ANO3: variants seen among roughly 807,000 people sequenced by gnomAD.
ANO3 encodes anoctamin-3.
ANO3 carries 99 observed loss-of-function variants against 144.8 expected under a neutral mutation model. That is an observed-to-expected ratio of 0.68 (90% CI 0.58 to 0.81). ANO3 has a LOEUF of 0.81. Ranked by LOEUF, ANO3 falls within the 30% of genes least tolerant of loss-of-function variation. The pLI is 0.00. For missense variants in ANO3, 905 were observed against 1,202.2 expected, an observed-to-expected ratio of 0.75 and a Z score of 3.66; for synonymous variants, 414 against 392.6, an observed-to-expected ratio of 1.05 and a Z score of -0.64.
In ANO3 at chr11:26,233,412, G is replaced by A. The variant is rs115214333; in HGVS notation, c.154+44082G>A. The stretch of plus-strand genomic sequence containing the variant: ...GTGAGATACCATCTCATACCACTTA[G>A]GATGGCTATCTTTAAAAAGTCAGGA... On this transcript the variant is annotated intron_variant, in intron 1 of 27. Transcript: ENST00000672621. Among the ~76,000 whole-genome samples the A allele has an allele frequency of 1.5e-3, 228 of 152,214 alleles. 1 individual carries two copies. Among genetic ancestry groups the A allele is most frequent in the African/African-American group, 4.6e-3 (191 of 41,534 alleles).
At chr11:26,299,496 A>G (rs934077456) in intron 1 of ANO3, among the ~76,000 whole-genome samples, 9 of 152,196 alleles carry the variant, frequency 5.9e-5, no homozygotes, top group Admixed American at 5.9e-4. Context: ...GCAACAAATA[A>G]GTTGAGAAGA....
intron 10 of ANO3, among the ~76,000 whole-genome samples, chr11:26,539,687 G>T (rs186669640): frequency 6.6e-6 from 1 of 152,108 alleles, no homozygotes; most frequent in Non-Finnish European, 1.5e-5. Context: ...GGAGCTCACC[G>T]TCCTGGTTGT....
intron 3 of ANO3, among the ~76,000 whole-genome samples, chr11:26,453,460 AC>A (rs953210505): frequency 6.6e-6 from 1 of 152,198 alleles, no homozygotes; most frequent in African/African-American, 2.4e-5. Flanking sequence ...CTTTAAACCA[AC>A]AAAGATCAAA....
At chr11:26,610,761 A>C (rs1852076416) in intron 17 of ANO3, among the ~76,000 whole-genome samples, 1 of 152,048 alleles carries the variant, frequency 6.6e-6, no homozygotes, top group Admixed American at 6.6e-5. Context: ...ATTCAATTTT[A>C]GGTCCTAGGC....
intron 1 of ANO3, among the ~76,000 whole-genome samples, chr11:26,378,917 T>C (rs929144573): frequency 6.7e-6 from 1 of 149,940 alleles, no homozygotes; most frequent in African/African-American, 2.5e-5. Flanking sequence ...ATTCTGAGAT[T>C]TAAAGAACAG....
chr11:26,442,358 C>T (rs900134635), intron 2 of ANO3, among the ~76,000 whole-genome samples: 6 of 152,192 alleles, frequency 3.9e-5, no homozygotes, highest in African/African-American at 1.4e-4. Context: ...GTCCCAGCTA[C>T]ATGAATCACT....
chr11:26,427,633 C>T (rs1362845134), intron 1 of ANO3, among the ~76,000 whole-genome samples: 1 of 152,092 alleles, frequency 6.6e-6, no homozygotes, highest in Non-Finnish European at 1.5e-5. Flanking sequence ...GACTAATCAG[C>T]AAACAGCTGT....
intron 1 of ANO3, among the ~76,000 whole-genome samples, chr11:26,317,814 T>C (rs1051111195): frequency 6.6e-6 from 1 of 152,310 alleles, no homozygotes. Context: ...CATACGTATG[T>C]TTATTGCAGC....
chr11:26,255,362 T>C (rs1307609673), intron 1 of ANO3, among the ~76,000 whole-genome samples: 1 of 152,182 alleles, frequency 6.6e-6, no homozygotes, highest in Non-Finnish European at 1.5e-5. Flanking sequence ...AGCACTGTTA[T>C]TCGGTAGACT....
At chr11:26,391,973 CA>C (rs1856892518) in intron 1 of ANO3, among the ~76,000 whole-genome samples, 1 of 16,172 alleles carries the variant, frequency 6.2e-5, no homozygotes. Context: ...CTGCTGTGTC[CA>C]AAAAATGTCG....
At chr11:26,631,318 T>C (rs1852771644) in intron 18 of ANO3, among the ~76,000 whole-genome samples, 1 of 152,076 alleles carries the variant, frequency 6.6e-6, no homozygotes, top group South Asian at 2.1e-4. Context: ...ATTTTGTTTA[T>C]TTTATTGTTT....
intron 1 of ANO3, among the ~76,000 whole-genome samples, chr11:26,223,617 AAAAAAC>A (rs1852196165): frequency 6.7e-6 from 1 of 150,126 alleles, no homozygotes; most frequent in African/African-American, 2.4e-5. Context: ...AAAAAAAAAA[AAAAAAC>A]CCTGAGATTG....
At chr11:26,465,126 G>GTA (rs1859551670) in intron 4 of ANO3, among the ~76,000 whole-genome samples, 1 of 29,194 alleles carries the variant, frequency 3.4e-5, no homozygotes, top group Non-Finnish European at 7.5e-5. Context: ...TCATTAAATT[G>GTA]TGTGTGTGTG....
At chr11:26,478,915 C>G (rs891201703) in intron 4 of ANO3, among the ~76,000 whole-genome samples, 1 of 152,198 alleles carries the variant, frequency 6.6e-6, no homozygotes, top group Admixed American at 6.5e-5. Context: ...TGGAGCAGAG[C>G]TCTCTGAATT....
chr11:26,605,729 G>T (rs1015079798), intron 17 of ANO3, among the ~76,000 whole-genome samples: 5 of 152,056 alleles, frequency 3.3e-5, no homozygotes, highest in Non-Finnish European at 7.4e-5. Context: ...TTGCATAGAG[G>T]TGTTTATAGT....
intron 1 of ANO3, among the ~76,000 whole-genome samples, chr11:26,432,865 G>A (rs1185034466): frequency 2.0e-5 from 3 of 152,076 alleles, no homozygotes; most frequent in Non-Finnish European, 4.4e-5. Flanking sequence ...TTTTGCTTAG[G>A]ATTGCCTTGG....
intron 1 of ANO3, among the ~76,000 whole-genome samples, chr11:26,413,934 A>C (rs1020139487): frequency 6.6e-6 from 1 of 152,106 alleles, no homozygotes; most frequent in Non-Finnish European, 1.5e-5. Flanking sequence ...TAAATTCTGA[A>C]AGAAAGACCT....
intron 1 of ANO3, among the ~76,000 whole-genome samples, chr11:26,280,673 C>G (rs1046484742): frequency 1.3e-5 from 2 of 152,210 alleles, no homozygotes; most frequent in African/African-American, 4.8e-5. Flanking sequence ...TGGCAACACC[C>G]TCACAGACAC....
At chr11:26,310,095 C>T (rs2133869884) in intron 1 of ANO3, among the ~76,000 whole-genome samples, 1 of 152,220 alleles carries the variant, frequency 6.6e-6, no homozygotes, top group South Asian at 2.1e-4. Flanking sequence ...CACATACTTA[C>T]ATTACATACT....
Sources: gnomAD v4.1 joint callset for allele counts (sites outside exome capture counted in the v4.1 genomes callset) on GRCh38, gnomAD v4.1.1 for gene constraint, MANE v1.5 for transcripts, NCBI Gene and HGNC (gene_info 2026-07-23, HGNC 2026-07-21) for gene names.